The following GALNT13 variants were observed in gnomAD, a reference collection of about 807,000 sequenced individuals.
The protein encoded by GALNT13 is UDP-GalNAc:polypeptide N-acetylgalactosaminyltransferase 13.
GALNT13 carries 28 observed loss-of-function variants against 64.2 expected under a neutral mutation model. That is an observed-to-expected ratio of 0.44 (90% CI 0.32 to 0.60). The LOEUF (loss-of-function observed/expected upper bound fraction) is 0.60, where lower values mean the gene tolerates loss of function less well. GALNT13 is among the 20% of genes least tolerant of loss of function. The probability of loss-of-function intolerance (pLI) is 0.05; values close to 1 mark genes in which losing one functional copy is unlikely to be tolerated. For synonymous variants in GALNT13, 214 were observed against 224.6 expected (o/e 0.95, Z 0.42); for missense variants, 577 against 669.8 (o/e 0.86, Z 1.53).
the GALNT13 span, among the ~76,000 whole-genome samples, chr2:153,616,373 T>G: frequency 3.3e-5 from 5 of 151,880 alleles, no homozygotes; most frequent in African/African-American, 1.2e-4. Flanking sequence ...GTTTTTCCAG[T>G]TTTGTTCTTT....
chr2:154,319,330 G>A (rs1269819645), intron 9 of GALNT13, among the ~76,000 whole-genome samples: 1 of 152,120 alleles, frequency 6.6e-6, no homozygotes, highest in Non-Finnish European at 1.5e-5. Context: ...CAATTCTATA[G>A]TGAATGTTAC....
intron 3 of GALNT13, among the ~76,000 whole-genome samples, chr2:154,017,740 G>A (rs1697106985): frequency 6.6e-6 from 1 of 152,092 alleles, no homozygotes; most frequent in Non-Finnish European, 1.5e-5. Flanking sequence ...TAAAGAACAA[G>A]TTTTACTATT....
At chr2:154,153,754 C>G (rs1684219333) in intron 4 of GALNT13, among the ~76,000 whole-genome samples, 1 of 152,208 alleles carries the variant, frequency 6.6e-6, no homozygotes, top group Non-Finnish European at 1.5e-5. Context: ...GATATAATCT[C>G]CTGGTGTGCC....
At chr2:153,546,773 T>C in the GALNT13 span, among the ~76,000 whole-genome samples, 1 of 152,244 alleles carries the variant, frequency 6.6e-6, no homozygotes, top group Non-Finnish European at 1.5e-5. Context: ...GATACAGATT[T>C]ATATACTTTT....
chr2:153,933,272 C>T (rs1690661556), intron 2 of GALNT13, among the ~76,000 whole-genome samples: 1 of 152,096 alleles, frequency 6.6e-6, no homozygotes, highest in Non-Finnish European at 1.5e-5. Flanking sequence ...TTGTAGGTTC[C>T]TAAAAAGAGA....
At position 154,390,561 on chromosome 2, in the gene GALNT13, G is replaced by A. The variant is rs138928240; in HGVS notation, c.1157-5430G>A. On this transcript the variant is annotated intron_variant, in intron 9 of 12. Coordinates refer to ENST00000392825, the MANE Select transcript of GALNT13 (RefSeq NM_052917.4). ...ATGTCCCTGCAAAGGACATGATCTC[G>A]TTCTTTTTTATGGCTGCATAGTATT... Among the ~76,000 whole-genome samples, 623 of 152,098 alleles carry A rather than the reference G, an allele frequency of 4.1e-3. 6 individuals carry two copies. Among genetic ancestry groups the A allele is most frequent in the African/African-American group, 0.014 (589 of 41,488 alleles).
At chr2:153,557,911 C>T in the GALNT13 span, among the ~76,000 whole-genome samples, 1 of 152,080 alleles carries the variant, frequency 6.6e-6, no homozygotes, top group Non-Finnish European at 1.5e-5. Flanking sequence ...TAACTGTGCC[C>T]AGAGTATACC....
the GALNT13 span, among the ~76,000 whole-genome samples, chr2:153,475,802 G>A: frequency 6.6e-6 from 1 of 152,174 alleles, no homozygotes; most frequent in Non-Finnish European, 1.5e-5. Context: ...GACCCTCAGA[G>A]GATGTTGCAG....
the GALNT13 span, among the ~76,000 whole-genome samples, chr2:153,656,110 C>T: frequency 6.6e-6 from 1 of 152,080 alleles, no homozygotes; most frequent in African/African-American, 2.4e-5. Context: ...TGTCTTAGTA[C>T]TATCTAATTT....
chr2:153,622,939 C>T, the GALNT13 span, among the ~76,000 whole-genome samples: 1 of 152,092 alleles, frequency 6.6e-6, no homozygotes, highest in Admixed American at 6.6e-5. Context: ...CACATGATTG[C>T]AGCCACCCTT....
chr2:154,256,076 C>G (rs1252016570), intron 7 of GALNT13, among the ~76,000 whole-genome samples: 1 of 151,316 alleles, frequency 6.6e-6, no homozygotes, highest in Non-Finnish European at 1.5e-5. Flanking sequence ...AAAAAAAACT[C>G]AGTTAAAAAT....
At chr2:154,051,719 G>T (rs1440163002) in intron 3 of GALNT13, among the ~76,000 whole-genome samples, 1 of 152,134 alleles carries the variant, frequency 6.6e-6, no homozygotes, top group African/African-American at 2.4e-5. Flanking sequence ...TAGTACTACT[G>T]TTATTAAATG....
the GALNT13 span, among the ~76,000 whole-genome samples, chr2:153,649,383 C>G: frequency 3.2e-4 from 48 of 151,784 alleles, no homozygotes; most frequent in Admixed American, 3.2e-3. Flanking sequence ...TGCTAGCGGT[C>G]TATCAATTTT....
chr2:153,293,758 TG>T, the GALNT13 span, among the ~76,000 whole-genome samples: 1 of 72,758 alleles, frequency 1.4e-5, no homozygotes, highest in Admixed American at 1.1e-4. Context: ...ACTTTTTTTC[TG>T]TTTGTGTGTG....
chr2:154,286,570 G>C (rs1210951885), intron 8 of GALNT13: 5 of 194,350 alleles, frequency 2.6e-5, no homozygotes, highest in Non-Finnish European at 4.2e-5. Context: ...AGGTGTGAGA[G>C]GGTCCAGCAG....
intron 7 of GALNT13, among the ~76,000 whole-genome samples, chr2:154,254,892 A>G (rs899205790): frequency 1.3e-5 from 2 of 152,174 alleles, no homozygotes; most frequent in Non-Finnish European, 2.9e-5. Context: ...CACAAAGAGC[A>G]TAGAAAGAGA....
At chr2:154,185,615 G>C (rs1448190019) in intron 4 of GALNT13, among the ~76,000 whole-genome samples, 2 of 151,586 alleles carry the variant, frequency 1.3e-5, no homozygotes, top group Non-Finnish European at 2.9e-5. Context: ...TCTTATATTT[G>C]ATTAAATCTG....
At chr2:153,817,308 C>T in the GALNT13 span, among the ~76,000 whole-genome samples, 2 of 152,162 alleles carry the variant, frequency 1.3e-5, no homozygotes, top group African/African-American at 2.4e-5. Context: ...GGCTTTTGAA[C>T]CTTCTAGGCC....
At chr2:153,822,062 A>G in the GALNT13 span, among the ~76,000 whole-genome samples, 5 of 152,194 alleles carry the variant, frequency 3.3e-5, no homozygotes, top group African/African-American at 1.2e-4. Flanking sequence ...ACAGACAAGT[A>G]TGAGCTCCAA....
Sources: gnomAD v4.1 joint callset for allele counts (sites outside exome capture counted in the v4.1 genomes callset) on GRCh38, gnomAD v4.1.1 for gene constraint, MANE v1.5 for transcripts, NCBI Gene and HGNC (gene_info 2026-07-23, HGNC 2026-07-21) for gene names.